Variants in IHO1 observed in about 807,000 individuals in gnomAD.
IHO1 encodes interactor of HORMAD1 1, also known as interactor of HORMAD1 protein 1.
A neutral mutation model predicts 31.0 loss-of-function variants in IHO1; 13 were observed. The observed-to-expected ratio is 0.42, with a 90% confidence interval of 0.27 to 0.67. The LOEUF (loss-of-function observed/expected upper bound fraction) is 0.67. Ranked by LOEUF, IHO1 falls within the 30% of genes least tolerant of loss-of-function variation. The pLI, the probability that IHO1 is intolerant of heterozygous loss-of-function variation, is 0.24. For missense variants in IHO1, 599 were observed against 687.5 expected (o/e 0.87, Z 1.44); for synonymous variants, 221 against 248.4 (o/e 0.89, Z 1.04).
chr3:49,193,997 CCG>C (rs1235021325), upstream of IHO1, among the ~76,000 whole-genome samples: 11 of 149,318 alleles, frequency 7.4e-5, no homozygotes, highest in African/African-American at 2.7e-4. Context: ...AGACTGGGTG[CCG>C]TGGCTCACGT....
intron 1 of IHO1, among the ~76,000 whole-genome samples, chr3:49,206,416 G>GA (rs2046138190): frequency 1.3e-5 from 2 of 151,448 alleles, no homozygotes. Context: ...TTTTAATAGA[G>GA]ATGGGGTTTC....
At chr3:49,208,167 A>C (rs1046372043) in intron 1 of IHO1, among the ~76,000 whole-genome samples, 2 of 152,194 alleles carry the variant, frequency 1.3e-5, no homozygotes, top group African/African-American at 4.8e-5. Context: ...CTTGCTCTGC[A>C]CACAGTTATT....
At chr3:49,220,228 G>A (rs1324891281) in intron 2 of IHO1, among the ~76,000 whole-genome samples, 1 of 152,210 alleles carries the variant, frequency 6.6e-6, no homozygotes, top group East Asian at 1.9e-4. Context: ...TTCGGGAAAT[G>A]CCATGAGGGT....
intron 2 of IHO1, chr3:49,213,942 G>C: frequency 2.4e-6 from 1 of 415,480 alleles, no homozygotes; most frequent in Non-Finnish European, 5.0e-6. Context: ...GGACGCCAAG[G>C]CCAAGGAAGC....
chr3:49,199,655 T>G (rs2046027919), intron 1 of IHO1, 82 bp downstream of exon 1: 1 of 152,350 alleles, frequency 6.6e-6, no homozygotes. Flanking sequence ...GCCGTGGGTC[T>G]GGGTTCAGGA....
chr3:49,221,283 A>G (rs559043449), intron 2 of IHO1, among the ~76,000 whole-genome samples: 1 of 152,162 alleles, frequency 6.6e-6, no homozygotes, highest in East Asian at 1.9e-4. Flanking sequence ...AGCTAGACAC[A>G]GAGCACTGAT....
At chr3:49,242,069 G>A (rs181816596) in intron 4 of IHO1, among the ~76,000 whole-genome samples, 4 of 151,802 alleles carry the variant, frequency 2.6e-5, no homozygotes, top group African/African-American at 7.2e-5. Flanking sequence ...ACAGCCTCCC[G>A]AGTAGCTGGG....
intron 6 of IHO1, among the ~76,000 whole-genome samples, chr3:49,253,595 T>C (rs974361802): frequency 2.0e-5 from 3 of 152,100 alleles, no homozygotes; most frequent in Non-Finnish European, 4.4e-5. Flanking sequence ...TGGAACGTGC[T>C]CTTTCTTCTG....
chr3:49,214,349 A>C (rs921400869), intron 2 of IHO1, among the ~76,000 whole-genome samples: 3 of 152,034 alleles, frequency 2.0e-5, no homozygotes, highest in African/African-American at 7.2e-5. Flanking sequence ...CCACTAAGGT[A>C]CTTACACTGG....
At chr3:49,213,101 A>G (rs2046243265) in intron 2 of IHO1, among the ~76,000 whole-genome samples, 1 of 151,986 alleles carries the variant, frequency 6.6e-6, no homozygotes, top group Non-Finnish European at 1.5e-5. Flanking sequence ...ACAAACCTTG[A>G]GCTAGACACA....
At chr3:49,191,448 A>G in the IHO1 span, among the ~76,000 whole-genome samples, 2 of 152,164 alleles carry the variant, frequency 1.3e-5, no homozygotes, top group Non-Finnish European at 2.9e-5. Flanking sequence ...GAGCAGCCAA[A>G]CTCCAAAAGC....
intron 6 of IHO1, among the ~76,000 whole-genome samples, chr3:49,248,824 T>C (rs953536638): frequency 6.6e-6 from 1 of 152,190 alleles, no homozygotes; most frequent in Non-Finnish European, 1.5e-5. Context: ...AAGTAGCCTA[T>C]CCAGAATAAT....
chr3:49,236,490 G>T, intron 2 of IHO1, 58 bp from the exon 3 acceptor site: 1 of 1,305,384 alleles, frequency 7.7e-7, no homozygotes, highest in East Asian at 2.3e-5. Context: ...TGTGAACTAT[G>T]ATTTCATTTG....
chr3:49,204,999 G>T (rs1426426434), intron 1 of IHO1, among the ~76,000 whole-genome samples: 1 of 151,780 alleles, frequency 6.6e-6, no homozygotes, highest in African/African-American at 2.4e-5. Context: ...CTGCACTCCA[G>T]CCTGGGCAAC....
intron 1 of IHO1, among the ~76,000 whole-genome samples, chr3:49,205,851 C>T (rs982800385): frequency 1.6e-4 from 24 of 149,806 alleles, no homozygotes; most frequent in Non-Finnish European, 2.8e-4. Flanking sequence ...CTCACTGCCA[C>T]CTCCACCTCC....
At chr3:49,210,425 T>C (rs1271552341) in intron 1 of IHO1, among the ~76,000 whole-genome samples, 1 of 150,094 alleles carries the variant, frequency 6.7e-6, no homozygotes, top group African/African-American at 2.5e-5. Context: ...TGAGGCAGAG[T>C]CTCACTCGAT....
At chr3:49,242,228 C>T (rs1009381779) in intron 4 of IHO1, among the ~76,000 whole-genome samples, 1 of 152,304 alleles carries the variant, frequency 6.6e-6, no homozygotes, top group South Asian at 2.1e-4. Flanking sequence ...CAAGCATGAG[C>T]CACCGCAGTC....
chr3:49,250,016 G>C (rs1178554846), intron 6 of IHO1, among the ~76,000 whole-genome samples: 2 of 152,172 alleles, frequency 1.3e-5, no homozygotes, highest in Non-Finnish European at 2.9e-5. Flanking sequence ...ATATTGTCCA[G>C]AATATGGAAA....
chr3:49,223,813 AT>A (rs1459500433), intron 2 of IHO1, among the ~76,000 whole-genome samples: 1 of 152,218 alleles, frequency 6.6e-6, no homozygotes, highest in African/African-American at 2.4e-5. Flanking sequence ...AGGGAAAAGC[AT>A]CTATCCAATT....
Sources: gnomAD v4.1 joint callset for allele counts (sites outside exome capture counted in the v4.1 genomes callset) on GRCh38, gnomAD v4.1.1 for gene constraint, MANE v1.5 for transcripts, NCBI Gene and HGNC (gene_info 2026-07-23, HGNC 2026-07-21) for gene names.